PATJ: variants seen among roughly 807,000 people sequenced by gnomAD.
PATJ encodes the protein inaD-like protein.
A neutral mutation model predicts 224.9 loss-of-function variants in PATJ; 190 were observed. The ratio of observed to expected loss-of-function variants is 0.84; its 90% confidence interval spans 0.75 to 0.95. The LOEUF is 0.95. Among genes scored for constraint, PATJ ranks in the 40% least tolerant of loss-of-function variants. PATJ has a pLI of 0.00. For synonymous variants in PATJ, 769 were observed against 820.3 expected, an observed-to-expected ratio of 0.94 and a Z score of 1.07; for missense variants, 2,121 against 2,270.3, an observed-to-expected ratio of 0.93 and a Z score of 1.34.
At position 61,860,922 on chromosome 1, in the gene PATJ, A is replaced by G. The variant is rs576528113; in HGVS notation, c.2323-629A>G. On this transcript the variant is annotated intron_variant, in intron 18 of 43. Transcript: ENST00000642238. ...AGACAGCCAGGGTCGAAATTTTGGG[A>G]TATGTAGCGTTTGGCAAATTACTGT... is the stretch of plus-strand genomic sequence containing the variant. Among the ~76,000 whole-genome samples, 103 of 152,014 alleles carry G rather than the reference A, an allele frequency of 6.8e-4. 1 individual carries two copies. The highest frequency in any genetic ancestry group is 3.4e-3 in the Middle Eastern group (1 of 294).
chr1:61,772,283 TTAAAG>T (rs1403473253), intron 6 of PATJ, among the ~76,000 whole-genome samples: 6 of 152,120 alleles, frequency 3.9e-5, no homozygotes, highest in African/African-American at 1.4e-4. Flanking sequence ...TGTTGAGTGT[TTAAAG>T]TAAGGTTTGA....
intron 27 of PATJ, among the ~76,000 whole-genome samples, chr1:61,975,570 A>T (rs1644084419): frequency 6.6e-6 from 1 of 151,866 alleles, no homozygotes; most frequent in Non-Finnish European, 1.5e-5. Context: ...ATCCATTCCT[A>T]TAATTGCTGG....
At chr1:62,030,136 T>G (rs1298611807) in intron 29 of PATJ, among the ~76,000 whole-genome samples, 3 of 152,148 alleles carry the variant, frequency 2.0e-5, no homozygotes, top group Non-Finnish European at 4.4e-5. Context: ...AAAAGAAGAA[T>G]AAAGCCTTTA....
intron 27 of PATJ, among the ~76,000 whole-genome samples, chr1:61,980,437 TTGTGTGTGTGTGTGTGTGTGTGTGTG>T (rs148389720): frequency 1.5e-5 from 2 of 129,650 alleles, no homozygotes; most frequent in African/African-American, 3.0e-5. Context: ...CTTATATAAT[TTGTGTGTGTGTGTGTGTGTGTGTGTG>T]TGTGTGTGTG....
At chr1:61,989,958 G>A (rs1644968962) in intron 27 of PATJ, among the ~76,000 whole-genome samples, 1 of 152,080 alleles carries the variant, frequency 6.6e-6, no homozygotes, top group Admixed American at 6.5e-5. Context: ...GATCACTTGA[G>A]CCCAGGAGTT....
At chr1:61,890,481 T>A (rs1669453402) in intron 22 of PATJ, among the ~76,000 whole-genome samples, 1 of 152,008 alleles carries the variant, frequency 6.6e-6, no homozygotes, top group Non-Finnish European at 1.5e-5. Context: ...CTGGTCACTA[T>A]TTTTTATTGG....
chr1:62,081,920 G>A (rs111299138), intron 32 of PATJ, among the ~76,000 whole-genome samples: 20 of 152,264 alleles, frequency 1.3e-4, no homozygotes, highest in South Asian at 1.2e-3. Flanking sequence ...ACTATCGTAC[G>A]TCATTTTTAT....
chr1:61,956,054 G>A (rs1033315716), intron 27 of PATJ, among the ~76,000 whole-genome samples: 1 of 152,182 alleles, frequency 6.6e-6, no homozygotes, highest in Non-Finnish European at 1.5e-5. Flanking sequence ...CAAACCACAT[G>A]AAGCTGAATT....
intron 1 of PATJ, among the ~76,000 whole-genome samples, chr1:61,761,882 C>T (rs1645993162): frequency 6.6e-6 from 1 of 151,758 alleles, no homozygotes; most frequent in African/African-American, 2.4e-5. Context: ...GAGATGGAAT[C>T]TCACTGTGTT....
chr1:62,083,123 CGTT>C (rs548467536), intron 32 of PATJ, among the ~76,000 whole-genome samples: 25 of 152,138 alleles, frequency 1.6e-4, no homozygotes, highest in African/African-American at 4.6e-4. Flanking sequence ...TTTGAGGTTT[CGTT>C]GTTGTTGTTG....
chr1:62,057,631 T>C (rs558394869), intron 31 of PATJ, among the ~76,000 whole-genome samples: 48 of 152,336 alleles, frequency 3.2e-4, no homozygotes, highest in African/African-American at 1.1e-3. Flanking sequence ...CATGCTTGAC[T>C]CTTCAGCAAG....
chr1:62,087,874 T>G (rs1312120812), intron 33 of PATJ, among the ~76,000 whole-genome samples: 4 of 150,994 alleles, frequency 2.6e-5, no homozygotes, highest in African/African-American at 9.8e-5. Context: ...TCTAATCGTA[T>G]TTTTAATAAT....
At chr1:61,912,671 AGGGAGGGGAG>A (rs1183156228) in intron 25 of PATJ, among the ~76,000 whole-genome samples, 1 of 62,634 alleles carries the variant, frequency 1.6e-5, no homozygotes, top group Non-Finnish European at 3.0e-5. Context: ...GAAGGGAGGG[AGGGAGGGGAG>A]GGGAGGGGAG....
At chr1:62,083,302 A>G (rs1176696895) in intron 32 of PATJ, among the ~76,000 whole-genome samples, 1 of 152,126 alleles carries the variant, frequency 6.6e-6, no homozygotes, top group African/African-American at 2.4e-5. Context: ...TTATATTTTT[A>G]GTAGAGACGA....
rs114240948 is a variant in PATJ, at chr1:62,135,057, A to G, written c.5271+6112A>G. 3.5e-3 allele frequency among the ~76,000 whole-genome samples: 538 copies of G among 152,280 alleles called. 1 individual carries two copies. The highest frequency in any genetic ancestry group is 5.1e-3 in the Non-Finnish European group (345 of 68,020). ...TAGGTCTTTACCTTAGTTGCATAATAAAATCACTGATTTTAATACCTGTTC... is the reference window on the plus strand; with the variant it reads ...TAGGTCTTTACCTTAGTTGCATAATGAAATCACTGATTTTAATACCTGTTC... On this transcript the variant is annotated intron_variant, in intron 41 of 43. Transcript: ENST00000642238.
intron 5 of PATJ, among the ~76,000 whole-genome samples, chr1:61,771,100 C>T (rs781489046): frequency 1.4e-4 from 21 of 151,840 alleles, no homozygotes; most frequent in Non-Finnish European, 2.9e-4. Context: ...GGAAGGGGTT[C>T]GGGAGGTTTG....
intron 14 of PATJ, among the ~76,000 whole-genome samples, chr1:61,811,392 C>A (rs4915599): frequency 0.21 from 31,679 of 151,612 alleles, 3,421 homozygotes; most frequent in African/African-American, 0.22. Flanking sequence ...CCACGCCTGG[C>A]TAATTTTTTC....
rs1270050189 is a variant in PATJ at position 62,137,918 on chromosome 1, A to AT, written c.5271+8977dup. 2.7e-5 allele frequency among the ~76,000 whole-genome samples: 4 copies of AT among 149,328 alleles called. No homozygotes were observed. In the East Asian group the frequency reaches 7.9e-4, roughly 30 times the overall value. On this transcript the variant is annotated intron_variant, in intron 41 of 43. Transcript: ENST00000642238. ...CATAGTCTCCTCCTCAGGTGGGGGGATTTTCTCCACCTCTTCCTTCAGGTT... is the reference window on the plus strand; with the variant it reads ...CATAGTCTCCTCCTCAGGTGGGGGGATTTTTCTCCACCTCTTCCTTCAGGTT...
intron 43 of PATJ, among the ~76,000 whole-genome samples, chr1:62,157,093 G>A (rs182536279): frequency 1.3e-5 from 2 of 152,214 alleles, no homozygotes; most frequent in East Asian, 1.9e-4. Context: ...GGAGACAGAG[G>A]CAGGCAGATC....
Sources: gnomAD v4.1 joint callset for allele counts (sites outside exome capture counted in the v4.1 genomes callset) on GRCh38, gnomAD v4.1.1 for gene constraint, MANE v1.5 for transcripts, NCBI Gene and HGNC (gene_info 2026-07-23, HGNC 2026-07-21) for gene names.